Variants in PRKRIP1 observed in about 807,000 individuals in gnomAD.
The protein encoded by PRKRIP1 is PRKR-interacting protein 1.
A neutral mutation model predicts 29.3 loss-of-function variants in PRKRIP1; 29 were observed. That is an observed-to-expected ratio of 0.99 (90% CI 0.74 to 1.35). The LOEUF is 1.35. Among genes scored for constraint, PRKRIP1 ranks in the 40% most tolerant of loss-of-function variants. The pLI is 0.00. For missense variants in PRKRIP1, 247 were observed against 236.8 expected, an observed-to-expected ratio of 1.04 and a Z score of -0.28; for synonymous variants, 90 against 85.1, an observed-to-expected ratio of 1.06 and a Z score of -0.32.
rs566206712 is a variant in PRKRIP1 at position 102,411,588 on chromosome 7, T to C, written c.457+4090T>C. Among the ~76,000 whole-genome samples, 3 of 152,050 alleles carry C rather than the reference T, an allele frequency of 2.0e-5. No homozygotes were observed. In the East Asian group the frequency reaches 5.8e-4, roughly 30 times the overall value. ...TTAGTAGGGATGGGGTTTCACTATA[T>C]TGGCCAGGTTGATCTTGAACTCCTC... On this transcript the variant is annotated intron_variant, in intron 5 of 5. Coordinates refer to ENST00000397912, the MANE Select transcript of PRKRIP1 (RefSeq NM_024653.4).
At chr7:102,424,876 C>T in intron 5 of PRKRIP1, 138 bp from the exon 6 acceptor site, 6 of 794,402 alleles carry the variant, frequency 7.6e-6, no homozygotes, top group Non-Finnish European at 1.2e-5. Flanking sequence ...GACTGGTGGA[C>T]GTGAGGCATG....
intron 5 of PRKRIP1, among the ~76,000 whole-genome samples, chr7:102,419,938 T>C (rs975154415): frequency 1.3e-5 from 2 of 151,462 alleles, no homozygotes; most frequent in Non-Finnish European, 2.9e-5. Flanking sequence ...TGGAGTGCAG[T>C]GGCGCAATCT....
At chr7:102,422,516 A>AT (rs1242335847) in intron 5 of PRKRIP1, among the ~76,000 whole-genome samples, 2 of 151,624 alleles carry the variant, frequency 1.3e-5, no homozygotes, top group African/African-American at 4.9e-5. Flanking sequence ...TAATTTTTGT[A>AT]TTTTTAGTAG....
chr7:102,408,448 G>A (rs1554572115), intron 5 of PRKRIP1, among the ~76,000 whole-genome samples: 1 of 152,172 alleles, frequency 6.6e-6, no homozygotes, highest in Non-Finnish European at 1.5e-5. Flanking sequence ...TTGGCTGTTA[G>A]GTCAGCATCC....
chr7:102,418,679 C>A (rs1287508823), intron 5 of PRKRIP1, among the ~76,000 whole-genome samples: 3 of 152,104 alleles, frequency 2.0e-5, no homozygotes, highest in Non-Finnish European at 4.4e-5. Context: ...ATCCACTAGC[C>A]ATTTGCTTAA....
At chr7:102,420,820 G>GT (rs1796673503) in intron 5 of PRKRIP1, among the ~76,000 whole-genome samples, 2 of 151,784 alleles carry the variant, frequency 1.3e-5, no homozygotes, top group Non-Finnish European at 2.9e-5. Flanking sequence ...CATGCAAGAG[G>GT]TCACAGTCGA....
At chr7:102,403,680 T>C (rs1211261340) in intron 3 of PRKRIP1, among the ~76,000 whole-genome samples, 4 of 152,340 alleles carry the variant, frequency 2.6e-5, no homozygotes, top group Admixed American at 2.0e-4. Flanking sequence ...CCCAAACCCT[T>C]ATTTCATTAT....
At chr7:102,423,495 GA>G in intron 5 of PRKRIP1, 1 of 227,732 alleles carries the variant, frequency 4.4e-6, no homozygotes, top group Admixed American at 5.2e-5. Flanking sequence ...CTGTCTTAGT[GA>G]ATAGGAGATC....
intron 5 of PRKRIP1, among the ~76,000 whole-genome samples, chr7:102,411,937 TTTTGTTTG>T (rs141698178): frequency 5.8e-4 from 87 of 151,216 alleles, no homozygotes; most frequent in Middle Eastern, 6.8e-3. Context: ...GTTGTTGTTG[TTTTGTTTG>T]TTTGTTTGTT....
intron 2 of PRKRIP1, 141 bp downstream of exon 2, chr7:102,397,839 A>C (rs1455117547): frequency 6.4e-6 from 4 of 627,808 alleles, no homozygotes; most frequent in Non-Finnish European, 1.1e-5. Context: ...AGGTCAGGAG[A>C]TCGAGACCAT....
intron 3 of PRKRIP1, among the ~76,000 whole-genome samples, chr7:102,400,587 G>A (rs1734551420): frequency 6.6e-6 from 1 of 152,122 alleles, no homozygotes. Context: ...TTTCTGGGGT[G>A]ATCAAACTGT....
rs1554570577 is a variant in PRKRIP1, at chr7:102,397,620, G to T, written c.127G>T (p.Asp43Tyr). Residue 43 changes from aspartate (D) to tyrosine (Y), a missense_variant and splice_region_variant, in exon 2 of 6, where the codon GAC (aspartate) becomes TAC (tyrosine). Transcript: ENST00000397912. ...ATGCTTTCATGTTTAAATGTTGCAG[G>T]ACAAAGCAGTTCCAATTCCAGAGAA... ...LKLERLMKNP[D>Y]KAVPIPEKMS... The T allele has an allele frequency of 6.2e-7, 1 of 1,613,172 alleles. No homozygotes were observed. Among genetic ancestry groups the T allele is most frequent in the South Asian group, 1.1e-5 (1 of 90,990 alleles).
At chr7:102,416,034 T>G (rs1308073751) in intron 5 of PRKRIP1, among the ~76,000 whole-genome samples, 1 of 152,230 alleles carries the variant, frequency 6.6e-6, no homozygotes, top group African/African-American at 2.4e-5. Flanking sequence ...CACCTTCAGC[T>G]TCCTCTTACA....
intron 5 of PRKRIP1, among the ~76,000 whole-genome samples, chr7:102,414,034 C>T (rs564336279): frequency 6.6e-6 from 1 of 152,188 alleles, no homozygotes; most frequent in South Asian, 2.1e-4. Flanking sequence ...TCAAGACCAG[C>T]CCAGCCAACA....
intron 5 of PRKRIP1, among the ~76,000 whole-genome samples, chr7:102,424,096 G>A (rs1239130654): frequency 2.0e-5 from 3 of 152,250 alleles, no homozygotes; most frequent in South Asian, 2.1e-4. Context: ...TTCTTTCTGC[G>A]GTCCCATCCT....
Position 102,397,622 on chromosome 7 carries a change from C to G in PRKRIP1, c.129C>G (p.Asp43Glu), listed in dbSNP as rs377767039. The G allele has an allele frequency of 1.8e-5, 29 of 1,613,056 alleles. No homozygotes were observed. The highest frequency in any genetic ancestry group is 1.7e-4 in the African/African-American group (13 of 74,858). ...LKLERLMKNP[D>E]KAVPIPEKMS... Reference sequence around the variant, plus strand: ...GCTTTCATGTTTAAATGTTGCAGGACAAAGCAGTTCCAATTCCAGAGAAAA... The same window carrying G: ...GCTTTCATGTTTAAATGTTGCAGGAGAAAGCAGTTCCAATTCCAGAGAAAA... The change falls in exon 2 of 6, where the codon GAC becomes GAG. Residue 43 changes from aspartate to glutamate, a missense_variant and splice_region_variant. Around this residue, in one of 3 missense-constraint regions of PRKRIP1, gnomAD observed 105 missense variants for 80.2 expected, o/e 1.31. Transcript: ENST00000397912.
At chr7:102,419,841 GTT>G (rs1398192570) in intron 5 of PRKRIP1, among the ~76,000 whole-genome samples, 430 of 138,088 alleles carry the variant, frequency 3.1e-3, no homozygotes, top group African/African-American at 0.011. Flanking sequence ...GTTTTTTTGT[GTT>G]TTTGTGTGTG....
intron 3 of PRKRIP1, among the ~76,000 whole-genome samples, chr7:102,401,612 A>C (rs1431344990): frequency 6.6e-6 from 1 of 152,216 alleles, no homozygotes; most frequent in Admixed American, 6.5e-5. Context: ...ACATGCCTAT[A>C]ATCCCAGCTA....
rs551907796 is a variant in PRKRIP1, at chr7:102,424,420, G to C, written c.458-594G>C. 2.3e-3 allele frequency among the ~76,000 whole-genome samples: 345 copies of C among 152,336 alleles called. 2 individuals are homozygous for C. The highest frequency in any genetic ancestry group is 7.8e-3 in the African/African-American group (323 of 41,582). ...AACTCTCACTTGTCCTCCTGCTCCCGCGTGAAGAGGGGGAGGGGAGGAGTT... is the reference window on the plus strand; with the variant it reads ...AACTCTCACTTGTCCTCCTGCTCCCCCGTGAAGAGGGGGAGGGGAGGAGTT... On this transcript the variant is annotated intron_variant, in intron 5 of 5. Transcript: ENST00000397912.
Sources: allele counts gnomAD v4.1 joint callset (sites outside exome capture counted in the v4.1 genomes callset), GRCh38; gene constraint gnomAD v4.1.1; regional missense constraint gnomAD v4.1.1; transcripts MANE v1.5; gene names NCBI Gene and HGNC (gene_info 2026-07-23, HGNC 2026-07-21).